Variants in RMDN3 observed in about 807,000 individuals in gnomAD.
The protein encoded by RMDN3 is regulator of microtubule dynamics 3.
Under a neutral mutation model 61.8 loss-of-function variants are expected in RMDN3, and 41 were observed. That is an observed-to-expected ratio of 0.66 (90% CI 0.52 to 0.86). RMDN3 has a LOEUF of 0.86. Among genes scored for constraint, RMDN3 ranks in the 40% least tolerant of loss-of-function variants. RMDN3 has a pLI of 0.00. For missense variants in RMDN3, 557 were observed against 585.3 expected (o/e 0.95, Z 0.50); for synonymous variants, 247 against 232.0 (o/e 1.06, Z -0.59).
intron 11 of RMDN3, 25 bp from the exon 12 acceptor site, chr15:40,737,229 T>A: frequency 1.9e-6 from 3 of 1,612,482 alleles, no homozygotes; most frequent in Non-Finnish European, 1.7e-6. Flanking sequence ...CAGTGAAACC[T>A]GATACTGTGT....
chr15:40,749,411 G>C (rs979806300), intron 4 of RMDN3, among the ~76,000 whole-genome samples: 1 of 152,240 alleles, frequency 6.6e-6, no homozygotes, highest in Non-Finnish European at 1.5e-5. Context: ...CAGCTATTCA[G>C]AAGGCTGAGG....
Position 40,754,587 on chromosome 15 carries a change from G to A in RMDN3, c.187+10C>T, listed in dbSNP as rs369790290. ...TGCAGTGACCGCGGTCTCAGGAGAC[G>A]GGCTCCTACCGTGGCGTCCGGGATC... On this transcript the variant is annotated intron_variant, in intron 2 of 12. Transcript: ENST00000338376. The A allele has an allele frequency of 1.9e-6, 3 of 1,605,562 alleles. No individual in the cohort carries two copies. Among genetic ancestry groups the A allele is most frequent in the Non-Finnish European group, 2.6e-6 (3 of 1,174,590 alleles).
intron 4 of RMDN3, among the ~76,000 whole-genome samples, chr15:40,750,534 T>G (rs1028713316): frequency 5.9e-5 from 9 of 151,918 alleles, no homozygotes; most frequent in Non-Finnish European, 1.2e-4. Flanking sequence ...CAGGATGGTC[T>G]CAAGCTCCTG....
chr15:40,751,628 G>A (rs781493094), intron 3 of RMDN3, 59 bp from the exon 4 acceptor site: 1 of 1,608,674 alleles, frequency 6.2e-7, no homozygotes, highest in Non-Finnish European at 8.5e-7. Context: ...TTGTCTTTCT[G>A]CTCACCATGG....
At chr15:40,751,396 C>A (rs1446849170) in intron 4 of RMDN3, 30 bp downstream of exon 4, 1 of 1,608,854 alleles carries the variant, frequency 6.2e-7, no homozygotes, top group Non-Finnish European at 8.5e-7. Context: ...CTGGCTGTAG[C>A]CATAACTGCC....
chr15:40,740,344 G>C, intron 6 of RMDN3, 151 bp from the exon 7 acceptor site: 1 of 679,394 alleles, frequency 1.5e-6, no homozygotes, highest in Non-Finnish European at 2.7e-6. Context: ...CAGAATGAAA[G>C]GCCGCAAAGA....
In RMDN3 at chr15:40,736,175, A is replaced by C. The variant is rs904535373; in HGVS notation, c.*366T>G. 2 of 230,984 alleles carry C rather than the reference A, an allele frequency of 8.7e-6. No individual in the cohort carries two copies. Among genetic ancestry groups the C allele is most frequent in the African/African-American group, 4.5e-5 (2 of 44,004 alleles). 14.3% of individuals were successfully genotyped at this position (230,984 alleles called of 1,614,324 possible). On this transcript the variant is annotated 3_prime_UTR_variant, in exon 13 of 13. Transcript: ENST00000338376. Reference sequence around the variant, plus strand: ...GTCCTATTAGTCAGTGAAAAAGATTAAAGTGACAAGTTATGTGCTTTGTTC... The same window carrying C: ...GTCCTATTAGTCAGTGAAAAAGATTCAAGTGACAAGTTATGTGCTTTGTTC...
At chr15:40,742,764 C>T (rs1172379965) in intron 6 of RMDN3, among the ~76,000 whole-genome samples, 1 of 152,118 alleles carries the variant, frequency 6.6e-6, no homozygotes, top group African/African-American at 2.4e-5. Flanking sequence ...CTTTGGGGTT[C>T]ATGCTGGCTA....
intron 4 of RMDN3, among the ~76,000 whole-genome samples, chr15:40,746,312 A>G (rs567110666): frequency 6.1e-4 from 93 of 152,156 alleles, no homozygotes; most frequent in South Asian, 3.1e-3. Flanking sequence ...TCAGGAGATC[A>G]AGACCATCCT....
intron 10 of RMDN3, 135 bp downstream of exon 10, chr15:40,737,493 G>A (rs1208091750): frequency 1.8e-6 from 2 of 1,116,280 alleles, no homozygotes; most frequent in Non-Finnish European, 2.7e-6. Context: ...AAGTGATTCT[G>A]GTTTTCCCAT....
intron 4 of RMDN3, among the ~76,000 whole-genome samples, chr15:40,751,080 C>T (rs889811826): frequency 8.5e-5 from 13 of 152,224 alleles, no homozygotes; most frequent in East Asian, 3.8e-4. Context: ...GAGCATGCTT[C>T]GTGCTTAGAC....
At chr15:40,736,807 TTATTTTC>T in intron 12 of RMDN3, among the ~76,000 whole-genome samples, 1 of 152,284 alleles carries the variant, frequency 6.6e-6, no homozygotes, top group Middle Eastern at 3.4e-3. Context: ...CTAGGAAAGA[TTATTTTC>T]TAAAAATGTC....
At chr15:40,753,405 G>A (rs1465571565) in intron 2 of RMDN3, among the ~76,000 whole-genome samples, 1 of 152,060 alleles carries the variant, frequency 6.6e-6, no homozygotes, top group African/African-American at 2.4e-5. Flanking sequence ...CCAGCTACTC[G>A]GGAGGCTGAG....
intron 4 of RMDN3, among the ~76,000 whole-genome samples, 157 bp from the exon 5 acceptor site, chr15:40,745,416 T>TC (rs1011303135): frequency 2.7e-5 from 4 of 148,526 alleles, no homozygotes; most frequent in South Asian, 4.3e-4. Context: ...TTTTTTCTTT[T>TC]TTTTTTTTTT....
intron 4 of RMDN3, chr15:40,747,824 T>C (rs951602197): frequency 1.3e-5 from 2 of 152,096 alleles, no homozygotes; most frequent in African/African-American, 4.8e-5. Context: ...GGCAATTAAG[T>C]TTCTCTTAAC....
intron 2 of RMDN3, among the ~76,000 whole-genome samples, chr15:40,753,097 G>C (rs779683052): frequency 2.6e-5 from 4 of 152,092 alleles, no homozygotes; most frequent in Non-Finnish European, 5.9e-5. Context: ...ATTACCACAA[G>C]ATTATAAAAT....
At chr15:40,750,673 A>G (rs1183699480) in intron 4 of RMDN3, among the ~76,000 whole-genome samples, 1 of 152,184 alleles carries the variant, frequency 6.6e-6, no homozygotes, top group Non-Finnish European at 1.5e-5. Flanking sequence ...CTGATCCAGC[A>G]TAAAACTTGG....
chr15:40,754,864 G>A (rs1157564241), intron 1 of RMDN3, 74 bp from the exon 2 acceptor site: 7 of 1,329,362 alleles, frequency 5.3e-6, no homozygotes, highest in Non-Finnish European at 7.1e-6. Flanking sequence ...AGAGATTCGT[G>A]AACCCGGTAA....
Position 40,754,745 on chromosome 15 carries a change from C to T in RMDN3, c.39G>A (p.Gly13=). 1 of 1,612,318 alleles carries T rather than the reference C, an allele frequency of 6.2e-7. No homozygotes were observed. The highest frequency in any genetic ancestry group is 8.5e-7 in the Non-Finnish European group (1 of 1,179,536). ...RLGALGGARA[G]LGLLLGTAAG... is the part of the protein sequence containing the mutation. The stretch of plus-strand genomic sequence containing the variant: ...CGGCGGTACCCAGCAACAGTCCCAG[C>T]CCGGCACGGGCACCACCCAGGGCTC... Residue 13 remains glycine (G), a synonymous_variant, in exon 2 of 13, where the codon GGG becomes GGA. Transcript: ENST00000338376.
Sources: allele counts gnomAD v4.1 joint callset (sites outside exome capture counted in the v4.1 genomes callset), GRCh38; gene constraint gnomAD v4.1.1; transcripts MANE v1.5; gene names NCBI Gene and HGNC (gene_info 2026-07-23, HGNC 2026-07-21).